F5: variants seen among roughly 807,000 people sequenced by gnomAD.
F5 encodes coagulation factor V.
A neutral mutation model predicts 216.4 loss-of-function variants in F5; 138 were observed. That is an observed-to-expected ratio of 0.64 (90% CI 0.56 to 0.73). The LOEUF is 0.73. Among genes scored for constraint, F5 ranks in the 30% least tolerant of loss-of-function variants. The probability of loss-of-function intolerance (pLI) is 0.00; values close to 1 mark genes in which losing one functional copy is unlikely to be tolerated. For missense variants in F5, 2,403 were observed against 2,674.0 expected, an observed-to-expected ratio of 0.90 and a Z score of 2.24; for synonymous variants, 916 against 930.7, an observed-to-expected ratio of 0.98 and a Z score of 0.29.
intron 14 of F5, among the ~76,000 whole-genome samples, chr1:169,531,255 A>C (rs1659591765): frequency 1.3e-5 from 2 of 152,230 alleles, no homozygotes; most frequent in South Asian, 4.1e-4. Flanking sequence ...TCAAGGCTAA[A>C]GTACTGACAT....
chr1:169,578,479 G>A (rs12755775), intron 2 of F5, among the ~76,000 whole-genome samples: 11,386 of 152,132 alleles, frequency 0.075, 585 homozygotes, highest in Non-Finnish European at 0.11. Context: ...AGTCCTTTCC[G>A]TCTCTTATGG....
At chr1:169,533,120 A>G (rs1269789502) in intron 14 of F5, among the ~76,000 whole-genome samples, 1 of 152,124 alleles carries the variant, frequency 6.6e-6, no homozygotes, top group East Asian at 1.9e-4. Flanking sequence ...AACAACAGCA[A>G]CAACAACAAC....
chr1:169,540,156 A>G, intron 13 of F5, 138 bp downstream of exon 13: 1 of 865,752 alleles, frequency 1.2e-6, no homozygotes, highest in Non-Finnish European at 1.8e-6. Context: ...CAAAGGAAAA[A>G]GAACAGGCCA....
chr1:169,560,783 C>T lies in F5; in HGVS notation c.374-17G>A, dbSNP rs192484551. ...AAGAAGCACCTGGAGGAGTAACAGC[C>T]ATCAAGACATGTGGGCAGTTTCTGA... On this transcript the variant is annotated splice_polypyrimidine_tract_variant and intron_variant, in intron 3 of 24. Coordinates refer to ENST00000367797, the MANE Select transcript of F5 (RefSeq NM_000130.5). 2.5e-6 allele frequency: 4 copies of T among 1,610,286 alleles called. No individual in the cohort carries two copies. In the Admixed American group the frequency reaches 5.0e-5, roughly 20 times the overall value.
At chr1:169,517,812 C>T (rs187682377) in intron 23 of F5, among the ~76,000 whole-genome samples, 41 of 151,392 alleles carry the variant, frequency 2.7e-4, no homozygotes, top group Admixed American at 1.5e-3. Context: ...ATAAGGAGGG[C>T]GGGGAAGAGA....
chr1:169,519,137 C>G (rs1162855005), intron 22 of F5, among the ~76,000 whole-genome samples: 1 of 152,030 alleles, frequency 6.6e-6, no homozygotes, highest in African/African-American at 2.4e-5. Flanking sequence ...GTAAGAAACA[C>G]AGCTAGTGAG....
At chr1:169,585,001 C>G (rs1017646973) in intron 1 of F5, among the ~76,000 whole-genome samples, 6 of 152,144 alleles carry the variant, frequency 3.9e-5, no homozygotes, top group Non-Finnish European at 7.4e-5. Flanking sequence ...AAAAAACTCC[C>G]AAGCATGAAC....
intron 3 of F5, among the ~76,000 whole-genome samples, chr1:169,570,809 C>G (rs1660704758): frequency 6.6e-6 from 1 of 152,092 alleles, no homozygotes; most frequent in African/African-American, 2.4e-5. Context: ...TATTTATTAT[C>G]TGTTATATGC....
chr1:169,529,813 T>C lies in F5; in HGVS notation c.5214A>G (p.Lys1738=). The C allele has an allele frequency of 6.2e-7, 1 of 1,612,634 alleles. No homozygotes were observed. Among genetic ancestry groups the C allele is most frequent in the Non-Finnish European group, 8.5e-7 (1 of 1,178,982 alleles). ...GACCTATCAAGCCTGAGTGAATATC[T>C]TTTTCCTGGAAAAACAGAGTAAATT... ...WAYYSAVNPE[K]DIHSGLIGPL... is the part of the protein sequence containing the mutation. The change falls in exon 16 of 25, where the codon AAA becomes AAG. Residue 1738 remains lysine (K), a synonymous_variant. Transcript: ENST00000367797.
In F5 at chr1:169,542,512, G is replaced by T. The variant is rs998173759; in HGVS notation, c.2578C>A (p.Gln860Lys). Residue 860 changes from glutamine to lysine, a missense_variant, in exon 13 of 25, where the codon CAA (glutamine) becomes AAA (lysine). Gln to Lys is a moderately conservative substitution (Grantham distance 53). Coordinates refer to ENST00000367797, the MANE Select transcript of F5 (RefSeq NM_000130.5). ...LSLGAGEFKS[Q>K]EHAKHKGPKV... ...GGTCCCTTATGCTTAGCATGTTCTT[G>T]ACTTTTGAATTCTCCAGCACCAAGT... 2 of 1,613,938 alleles carry T rather than the reference G, an allele frequency of 1.2e-6. No homozygotes were observed. The highest frequency in any genetic ancestry group is 2.7e-5 in the African/African-American group (2 of 74,910).
rs867934250 is a variant in F5 at position 169,512,372 on chromosome 1, C to T, written c.*1941G>A. On this transcript the variant is annotated 3_prime_UTR_variant, in exon 25 of 25. Transcript: ENST00000367797. Reference sequence around the variant, plus strand: ...TATTATGCCTTAGTAAATTCTAGATCAAGAGAGATCCTGCCCAATTTCAGA... The same window carrying T: ...TATTATGCCTTAGTAAATTCTAGATTAAGAGAGATCCTGCCCAATTTCAGA... Among the ~76,000 whole-genome samples the T allele has an allele frequency of 6.6e-6, 1 of 151,978 alleles. No homozygotes were observed. The highest frequency in any genetic ancestry group is 1.9e-4 in the East Asian group (1 of 5,188).
At chr1:169,540,221 C>A in intron 13 of F5, 73 bp downstream of exon 13, 1 of 1,522,304 alleles carries the variant, frequency 6.6e-7, no homozygotes, top group Non-Finnish European at 9.1e-7. Flanking sequence ...CAATTATCCC[C>A]CTGAATTGTA....
rs148772659 is a variant in F5, at chr1:169,527,925, G to T, written c.5589C>A (p.Pro1863=). Reference sequence around the variant, plus strand: ...TTACCCAATCTTTACCAGGCAGAAGGGGCCAGACCCCTAACTGGTGCTGTT... The same window carrying T: ...TTACCCAATCTTTACCAGGCAGAAGTGGCCAGACCCCTAACTGGTGCTGTT... ...GNKQHQLGVW[P]LLPGSFKTLE... Residue 1863 remains proline, a synonymous_variant, in exon 17 of 25, where the codon CCC becomes CCA. Transcript: ENST00000367797. The T allele has an allele frequency of 9.9e-5, 160 of 1,613,456 alleles. No individual in the cohort carries two copies. In the African/African-American group the frequency reaches 1.9e-3, roughly 19 times the overall value.
At position 169,555,230 on chromosome 1, in the gene F5, T is replaced by C; in HGVS notation, c.1070A>G (p.Glu357Gly). 6.2e-7 allele frequency: 1 copy of C among 1,614,166 alleles called. No individual in the cohort carries two copies. The highest frequency in any genetic ancestry group is 8.5e-7 in the Non-Finnish European group (1 of 1,180,004). Reference protein sequence around the residue: ...MKRWEYFIAAEEVIWDYAPVI... With the variant: ...MKRWEYFIAAGEVIWDYAPVI... ...AGGTGCATAGTCCCAAATGACTTCCTCTGCAGCAATGAAGTATTCCCACCT... is the reference window on the plus strand; with the variant it reads ...AGGTGCATAGTCCCAAATGACTTCCCCTGCAGCAATGAAGTATTCCCACCT... Residue 357 changes from glutamate (E) to glycine (G), a missense_variant, in exon 7 of 25, where the codon GAG (glutamate) becomes GGG (glycine). Physicochemically the swap from Glu to Gly is moderately conservative, Grantham distance 98 (BLOSUM62 -2). Coordinates refer to ENST00000367797, the MANE Select transcript of F5 (RefSeq NM_000130.5).
intron 19 of F5, 49 bp from the exon 20 acceptor site, chr1:169,523,953 A>G (rs747492560): frequency 4.0e-6 from 6 of 1,502,912 alleles, no homozygotes; most frequent in Non-Finnish European, 5.5e-6. Flanking sequence ...TTAAAAACCC[A>G]GCAATTTCTC....
chr1:169,523,021 T>C (rs1005414761), intron 21 of F5, among the ~76,000 whole-genome samples, 176 bp downstream of exon 21: 3 of 152,090 alleles, frequency 2.0e-5, no homozygotes, highest in Admixed American at 6.5e-5. Flanking sequence ...TCTCTTTAAT[T>C]TGTAAGACAC....
intron 14 of F5, among the ~76,000 whole-genome samples, chr1:169,531,459 A>G (rs540132028): frequency 2.0e-5 from 3 of 152,230 alleles, no homozygotes; most frequent in African/African-American, 7.2e-5. Context: ...TGGAGGAACA[A>G]TTTGGTTGAA....
At chr1:169,545,982 T>C (rs1206247948) in intron 11 of F5, among the ~76,000 whole-genome samples, 1 of 152,212 alleles carries the variant, frequency 6.6e-6, no homozygotes, top group East Asian at 1.9e-4. Flanking sequence ...CATGCATGCC[T>C]TTCCAAGACT....
At chr1:169,521,435 G>T (rs1659303903) in intron 21 of F5, among the ~76,000 whole-genome samples, 1 of 152,106 alleles carries the variant, frequency 6.6e-6, no homozygotes, top group Non-Finnish European at 1.5e-5. Context: ...ATGGAGTGGG[G>T]AACCTGGACT....
Sources: gnomAD v4.1 joint callset for allele counts (sites outside exome capture counted in the v4.1 genomes callset) on GRCh38, gnomAD v4.1.1 for gene constraint, MANE v1.5 for transcripts, NCBI Gene and HGNC (gene_info 2026-07-23, HGNC 2026-07-21) for gene names.